RNFT2: variants seen among roughly 807,000 people sequenced by gnomAD.
RNFT2 encodes the protein ring finger protein, transmembrane 2.
A neutral mutation model predicts 53.0 loss-of-function variants in RNFT2; 36 were observed. That is an observed-to-expected ratio of 0.68 (90% CI 0.52 to 0.90). RNFT2 has a LOEUF of 0.90. RNFT2 is among the 40% of genes least tolerant of loss of function. RNFT2 has a pLI of 0.00. For missense variants in RNFT2, 514 were observed against 585.6 expected, an observed-to-expected ratio of 0.88 and a Z score of 1.26; for synonymous variants, 260 against 253.2, an observed-to-expected ratio of 1.03 and a Z score of -0.26.
chr12:116,788,352 A>G (rs989545253), intron 7 of RNFT2, among the ~76,000 whole-genome samples: 8 of 152,190 alleles, frequency 5.3e-5, no homozygotes, highest in Admixed American at 5.2e-4. Flanking sequence ...ACTAACCTAC[A>G]ATCTTCTAGA....
rs1877842976 is a variant in RNFT2 at position 116,850,100 on chromosome 12, CT to C, written c.*653del. On this transcript the variant is annotated 3_prime_UTR_variant, in exon 11 of 11. Coordinates refer to ENST00000257575, the MANE Select transcript of RNFT2 (RefSeq NM_001382266.1). The stretch of plus-strand genomic sequence containing the variant: ...CCTCAAATGATCAGCTCGCCTCAGC[CT>C]CACGAAGTGCTGGGATTACAGGCAT... The C allele has an allele frequency of 6.6e-6, 1 of 151,110 alleles. No homozygotes were observed. Among genetic ancestry groups the C allele is most frequent in the Non-Finnish European group, 1.5e-5 (1 of 68,044 alleles). 9.4% of individuals were successfully genotyped at this position (151,110 alleles called of 1,614,324 possible).
rs79546899 is a variant in RNFT2 at position 116,798,548 on chromosome 12, C to G, written c.882+19200C>G. 5.5e-3 allele frequency among the ~76,000 whole-genome samples: 842 copies of G among 152,184 alleles called. 9 individuals are homozygous for G. Among genetic ancestry groups the G allele is most frequent in the African/African-American group, 0.019 (798 of 41,514 alleles). On this transcript the variant is annotated intron_variant, in intron 7 of 10. Coordinates refer to ENST00000257575, the MANE Select transcript of RNFT2 (RefSeq NM_001382266.1). ...CTGTAAAATGGGATCATAATAGTAC[C>G]TATCTGCATTAGGTTTTTTTTATTT... is the stretch of plus-strand genomic sequence containing the variant.
intron 7 of RNFT2, among the ~76,000 whole-genome samples, chr12:116,802,733 G>A (rs1379925449): frequency 1.3e-5 from 2 of 152,182 alleles, no homozygotes. Context: ...AGATCTGGGA[G>A]AGAATAAGTT....
chr12:116,769,917 C>G (rs753083357), intron 6 of RNFT2, among the ~76,000 whole-genome samples: 6 of 151,998 alleles, frequency 3.9e-5, no homozygotes, highest in Non-Finnish European at 8.8e-5. Flanking sequence ...ATCCTGTAAT[C>G]CCAGCTACTT....
At chr12:116,820,760 A>T (rs1875972045) in intron 7 of RNFT2, among the ~76,000 whole-genome samples, 1 of 152,074 alleles carries the variant, frequency 6.6e-6, no homozygotes, top group Admixed American at 6.6e-5. Context: ...ACTTCGAACA[A>T]CATACCCTGC....
At chr12:116,834,395 A>AGG (rs1467861683) in intron 8 of RNFT2, among the ~76,000 whole-genome samples, 2 of 152,186 alleles carry the variant, frequency 1.3e-5, no homozygotes, top group Non-Finnish European at 2.9e-5. Context: ...CTGGGATTAC[A>AGG]GGCATGAGCC....
At position 116,779,271 on chromosome 12, in the gene RNFT2, G is replaced by C; in HGVS notation, c.805G>C (p.Val269Leu). The stretch of plus-strand genomic sequence containing the variant: ...ATGGATTGTGGGGATCGCAGACTTT[G>C]TTCTGAAGTACATCACCATCGCCCT... ...LLWIVGIADF[V>L]LKYITIALKC... The change falls in exon 7 of 11, where the codon GTT becomes CTT. Residue 269 changes from valine (V) to leucine (L), a missense_variant. Physicochemically the swap from Val to Leu is conservative, Grantham distance 32. Transcript: ENST00000257575. 1 of 1,613,988 alleles carries C rather than the reference G, an allele frequency of 6.2e-7. No individual in the cohort carries two copies. The highest frequency in any genetic ancestry group is 8.5e-7 in the Non-Finnish European group (1 of 1,179,890).
Position 116,749,958 on chromosome 12 carries a change from C to A in RNFT2, c.201C>A (p.Leu67=). ...PALFSGLSGS[L]PTSSFPSSLV... ...TCTTCTCGGGCTTATCAGGCAGCCT[C>A]CCCACCAGCTCGTTCCCCTCCAGCC... The change falls in exon 4 of 11, where the codon CTC becomes CTA. Residue 67 remains leucine, a synonymous_variant. Coordinates refer to ENST00000257575, the MANE Select transcript of RNFT2 (RefSeq NM_001382266.1). 6.4e-7 allele frequency: 1 copy of A among 1,565,938 alleles called. No individual in the cohort carries two copies. The highest frequency in any genetic ancestry group is 1.4e-5 in the African/African-American group (1 of 73,880).
intron 7 of RNFT2, among the ~76,000 whole-genome samples, chr12:116,817,733 G>GT (rs1336546029): frequency 2.0e-5 from 3 of 152,198 alleles, no homozygotes; most frequent in South Asian, 4.1e-4. Context: ...AAAGTATGGA[G>GT]TAAGACCACA....
At chr12:116,785,293 G>GTTTGTTTTGT (rs141129361) in intron 7 of RNFT2, among the ~76,000 whole-genome samples, 14,254 of 146,062 alleles carry the variant, frequency 0.098, 1,727 homozygotes, top group African/African-American at 0.27. Context: ...GGGGTTGTTT[G>GTTTGTTTTGT]TTTGTTTTGT....
chr12:116,851,536 C>T lies in RNFT2; in HGVS notation c.*2088C>T, dbSNP rs2137233117. 3 of 542,156 alleles carry T rather than the reference C, an allele frequency of 5.5e-6. No individual in the cohort carries two copies. Among genetic ancestry groups the T allele is most frequent in the South Asian group, 4.3e-5 (2 of 46,828 alleles). The allele number at this position is 542,156 out of a possible 1,614,324, so 33.6% of individuals were successfully genotyped here. On this transcript the variant is annotated 3_prime_UTR_variant, in exon 11 of 11. Transcript: ENST00000257575. ...GGCGGGTCACCTGAGGTCAAGAGTT[C>T]AAGACTAGCCTGGCCAACATGGCAA...
At chr12:116,804,768 A>G (rs1592968815) in intron 7 of RNFT2, among the ~76,000 whole-genome samples, 1 of 152,162 alleles carries the variant, frequency 6.6e-6, no homozygotes, top group African/African-American at 2.4e-5. Flanking sequence ...GGAGTTCAAG[A>G]CCAGCCTAGG....
At chr12:116,760,821 C>T (rs971289727) in intron 5 of RNFT2, among the ~76,000 whole-genome samples, 1 of 152,174 alleles carries the variant, frequency 6.6e-6, no homozygotes, top group African/African-American at 2.4e-5. Context: ...GCTGCTCTCT[C>T]TGGAGCTGCA....
intron 5 of RNFT2, among the ~76,000 whole-genome samples, chr12:116,758,662 T>C (rs1234409406): frequency 1.3e-5 from 2 of 152,238 alleles, no homozygotes; most frequent in Admixed American, 1.3e-4. Context: ...ATCATTGTTT[T>C]GTTTGAGGAG....
chr12:116,813,104 T>C (rs1213719268), intron 7 of RNFT2, among the ~76,000 whole-genome samples: 1 of 152,116 alleles, frequency 6.6e-6, no homozygotes, highest in Non-Finnish European at 1.5e-5. Context: ...TACAGGCATG[T>C]GCCACCATGC....
chr12:116,815,212 C>G (rs1247923607), intron 7 of RNFT2, among the ~76,000 whole-genome samples: 1 of 152,216 alleles, frequency 6.6e-6, no homozygotes, highest in Non-Finnish European at 1.5e-5. Context: ...GCCATGGAAG[C>G]CAGCCCACCA....
intron 5 of RNFT2, among the ~76,000 whole-genome samples, chr12:116,754,855 TG>T (rs1441162423): frequency 2.6e-5 from 4 of 152,220 alleles, no homozygotes; most frequent in Non-Finnish European, 5.9e-5. Context: ...CTTACTGATT[TG>T]TTTGAGTTTG....
intron 7 of RNFT2, among the ~76,000 whole-genome samples, chr12:116,801,699 C>G (rs1874797848): frequency 2.0e-5 from 3 of 152,164 alleles, no homozygotes; most frequent in African/African-American, 7.2e-5. Context: ...AGAATCTAAC[C>G]AAAGTCAGGA....
intron 7 of RNFT2, among the ~76,000 whole-genome samples, chr12:116,793,847 T>C (rs570965248): frequency 6.6e-6 from 1 of 152,220 alleles, no homozygotes; most frequent in Non-Finnish European, 1.5e-5. Flanking sequence ...CATATACCAG[T>C]ATCTGAAATA....
Sources: gnomAD v4.1 joint callset for allele counts (sites outside exome capture counted in the v4.1 genomes callset) on GRCh38, gnomAD v4.1.1 for gene constraint, MANE v1.5 for transcripts, NCBI Gene and HGNC (gene_info 2026-07-23, HGNC 2026-07-21) for gene names.